The following CNTN5 variants were observed in gnomAD, a reference collection of about 807,000 sequenced individuals.
CNTN5 encodes contactin 5.
A neutral mutation model predicts 129.1 loss-of-function variants in CNTN5; 77 were observed. The ratio of observed to expected loss-of-function variants is 0.60; its 90% CI spans 0.50 to 0.72. The LOEUF (loss-of-function observed/expected upper bound fraction) is 0.72. CNTN5 is among the 30% of genes least tolerant of loss of function. The probability of loss-of-function intolerance (pLI) is 0.00; values close to 1 mark genes in which losing one functional copy is unlikely to be tolerated. For synonymous variants in CNTN5, 509 were observed against 465.6 expected (o/e 1.09, Z -1.20); for missense variants, 1,478 against 1,328.8 (o/e 1.11, Z -1.75).
intron 8 of CNTN5, among the ~76,000 whole-genome samples, chr11:99,998,576 C>G (rs995090315): frequency 1.4e-5 from 2 of 139,256 alleles, no homozygotes; most frequent in African/African-American, 5.2e-5. Flanking sequence ...AATGGCCATA[C>G]TGCCCAAGGT....
At chr11:100,138,443 T>G (rs1266572928) in intron 13 of CNTN5, among the ~76,000 whole-genome samples, 2 of 152,064 alleles carry the variant, frequency 1.3e-5, no homozygotes, top group Non-Finnish European at 2.9e-5. Flanking sequence ...GTAAAGAATG[T>G]GATTTGTCAG....
intron 1 of CNTN5, among the ~76,000 whole-genome samples, chr11:99,157,178 G>A (rs1860376971): frequency 6.6e-6 from 1 of 151,862 alleles, no homozygotes; most frequent in South Asian, 2.1e-4. Flanking sequence ...GTAAATGATC[G>A]TTTCTATTAT....
chr11:99,970,514 T>C (rs914503246), intron 8 of CNTN5, among the ~76,000 whole-genome samples: 1 of 152,210 alleles, frequency 6.6e-6, no homozygotes, highest in African/African-American at 2.4e-5. Flanking sequence ...GGGGATAATA[T>C]TGGTACTTAT....
intron 13 of CNTN5, among the ~76,000 whole-genome samples, chr11:100,103,857 A>G (rs1169344957): frequency 1.3e-5 from 2 of 152,162 alleles, no homozygotes; most frequent in Non-Finnish European, 2.9e-5. Context: ...CCATAGGCTA[A>G]TGATTATATT....
chr11:100,233,903 A>C (rs1356353717), intron 16 of CNTN5, among the ~76,000 whole-genome samples: 1 of 152,314 alleles, frequency 6.6e-6, no homozygotes, highest in Non-Finnish European at 1.5e-5. Context: ...CAATCTGTCC[A>C]TCTGACAAAG....
At chr11:99,664,600 T>G (rs759005101) in intron 3 of CNTN5, among the ~76,000 whole-genome samples, 2 of 152,224 alleles carry the variant, frequency 1.3e-5, no homozygotes, top group African/African-American at 2.4e-5. Context: ...AATTATAATT[T>G]TCTCTAATAT....
At chr11:99,165,858 T>C (rs2135526296) in intron 1 of CNTN5, among the ~76,000 whole-genome samples, 1 of 152,242 alleles carries the variant, frequency 6.6e-6, no homozygotes, top group Admixed American at 6.5e-5. Context: ...CAGCTATCAT[T>C]AGAAAGAAAT....
At chr11:99,599,825 T>C (rs965950091) in intron 3 of CNTN5, among the ~76,000 whole-genome samples, 4 of 152,088 alleles carry the variant, frequency 2.6e-5, no homozygotes, top group Non-Finnish European at 5.9e-5. Flanking sequence ...AAAATCCATA[T>C]AGGAAAATGA....
intron 1 of CNTN5, among the ~76,000 whole-genome samples, chr11:99,264,746 A>G (rs1862807491): frequency 1.3e-5 from 2 of 152,130 alleles, no homozygotes; most frequent in South Asian, 2.1e-4. Context: ...ATCATAAACT[A>G]AGAAGTTATT....
In CNTN5 at chr11:99,540,999, C is replaced by T. The variant is rs144106538; in HGVS notation, c.-70-15146C>T. ...AATCAGTTTTGCTTTTATGCAAAAA[C>T]ACTACCCTTTAATGTGTAGCATTCA... On this transcript the variant is annotated intron_variant, in intron 2 of 24. Coordinates refer to ENST00000524871, the MANE Select transcript of CNTN5 (RefSeq NM_014361.4). Among the ~76,000 whole-genome samples, 52 of 152,178 alleles carry T rather than the reference C, an allele frequency of 3.4e-4. No homozygotes were observed. In the East Asian group the frequency reaches 7.9e-3, roughly 23 times the overall value.
intron 2 of CNTN5, among the ~76,000 whole-genome samples, chr11:99,378,835 T>G (rs537994748): frequency 6.6e-6 from 1 of 152,048 alleles, no homozygotes; most frequent in East Asian, 1.9e-4. Flanking sequence ...ATACAAACAG[T>G]ATGATATACA....
chr11:100,308,452 G>A lies in CNTN5; in HGVS notation c.2714G>A (p.Arg905Lys). 1 of 1,610,342 alleles carries A rather than the reference G, an allele frequency of 6.2e-7. No homozygotes were observed. The change falls in exon 21 of 25, where the codon AGA becomes AAA. Residue 905 changes from arginine to lysine, a missense_variant. Transcript: ENST00000524871. ...AWKHIKESLG[R>K]PQGFEVGYWK... The stretch of plus-strand genomic sequence containing the variant: ...AAACACATTAAAGAGAGTCTAGGAA[G>A]ACCACAGGGATTTGAGGTATGAACA...
intron 15 of CNTN5, among the ~76,000 whole-genome samples, chr11:100,194,944 C>A (rs1948596903): frequency 6.6e-6 from 1 of 151,938 alleles, no homozygotes; most frequent in Non-Finnish European, 1.5e-5. Flanking sequence ...CAATTGCCAA[C>A]TACATTGTTC....
intron 6 of CNTN5, among the ~76,000 whole-genome samples, chr11:99,883,709 G>A (rs1439611943): frequency 6.6e-6 from 1 of 152,162 alleles, no homozygotes; most frequent in Admixed American, 6.5e-5. Flanking sequence ...TATTTATAAA[G>A]TATGGCTGTC....
chr11:100,039,382 C>G (rs1942240604), intron 9 of CNTN5, among the ~76,000 whole-genome samples: 1 of 152,178 alleles, frequency 6.6e-6, no homozygotes, highest in Non-Finnish European at 1.5e-5. Flanking sequence ...CCCGACCTTT[C>G]TCTCTGGTTG....
At chr11:99,558,858 C>G (rs1321414355) in intron 3 of CNTN5, among the ~76,000 whole-genome samples, 1 of 151,972 alleles carries the variant, frequency 6.6e-6, no homozygotes, top group South Asian at 2.1e-4. Flanking sequence ...ATCATATCTG[C>G]GGTTGATGTG....
chr11:99,826,226 GTAT>G (rs1946953124), intron 4 of CNTN5, among the ~76,000 whole-genome samples: 1 of 152,056 alleles, frequency 6.6e-6, no homozygotes, highest in Non-Finnish European at 1.5e-5. Context: ...TGGAAAGGAA[GTAT>G]TTTTATTATG....
intron 2 of CNTN5, among the ~76,000 whole-genome samples, chr11:99,506,662 G>A (rs1946633103): frequency 6.6e-6 from 1 of 152,036 alleles, no homozygotes; most frequent in South Asian, 2.1e-4. Context: ...AAATAAGTAG[G>A]AATTTCAATG....
chr11:99,846,129 GACACACACACACACAC>G (rs10650307), intron 6 of CNTN5, among the ~76,000 whole-genome samples: 4 of 144,644 alleles, frequency 2.8e-5, no homozygotes, highest in African/African-American at 7.7e-5. Context: ...TACGGACATA[GACACACACACACACAC>G]ACACACACAC....
Sources: allele counts gnomAD v4.1 joint callset (sites outside exome capture counted in the v4.1 genomes callset), GRCh38; gene constraint gnomAD v4.1.1; transcripts MANE v1.5; gene names NCBI Gene and HGNC (gene_info 2026-07-23, HGNC 2026-07-21).